The following ADGRL2 variants were observed in gnomAD, a reference collection of about 807,000 sequenced individuals.
ADGRL2 encodes the protein calcium-independent alpha-latrotoxin receptor 2.
A neutral mutation model predicts 157.4 loss-of-function variants in ADGRL2; 44 were observed. The observed-to-expected ratio is 0.28, with a 90% CI of 0.22 to 0.36. The LOEUF is 0.36. Among genes scored for constraint, ADGRL2 ranks in the 10% least tolerant of loss-of-function variants. ADGRL2 has a pLI of 1.00. For synonymous variants in ADGRL2, 585 were observed against 624.7 expected, an observed-to-expected ratio of 0.94 and a Z score of 0.95; for missense variants, 1,510 against 1,768.9, an observed-to-expected ratio of 0.85 and a Z score of 2.63.
intron 3 of ADGRL2, among the ~76,000 whole-genome samples, chr1:81,581,976 T>G (rs984208557): frequency 1.3e-5 from 2 of 151,760 alleles, no homozygotes; most frequent in Non-Finnish European, 2.9e-5. Context: ...ACCCTAGAAC[T>G]TTGGGAGGCC....
intron 5 of ADGRL2, among the ~76,000 whole-genome samples, chr1:81,942,523 T>A (rs1648419511): frequency 1.3e-5 from 2 of 151,932 alleles, no homozygotes; most frequent in South Asian, 4.1e-4. Context: ...AAATAAGTCT[T>A]CACATTCGGT....
At chr1:81,522,709 GAAGTT>G (rs540558785) in intron 2 of ADGRL2, among the ~76,000 whole-genome samples, 18 of 152,250 alleles carry the variant, frequency 1.2e-4, no homozygotes, top group Middle Eastern at 6.8e-3. Flanking sequence ...TTAAACCAGT[GAAGTT>G]AAGTGTAATT....
intron 1 of ADGRL2, among the ~76,000 whole-genome samples, chr1:81,441,729 G>A (rs2077510814): frequency 6.6e-6 from 1 of 152,088 alleles, no homozygotes; most frequent in Non-Finnish European, 1.5e-5. Context: ...TAGTAGAGAC[G>A]GGGTTTCACT....
rs1260401001 is a variant in ADGRL2 at position 81,627,594 on chromosome 1, A to G, written c.-143+46614A>G. ...ATTATTACCTCTATTTTCGCTATGA[A>G]GAAGCTGAGGCTCAGAAAGATTAAA... On this transcript the variant is annotated intron_variant, in intron 3 of 24. Coordinates refer to the ADGRL2 transcript ENST00000370721. 3.3e-5 allele frequency among the ~76,000 whole-genome samples: 5 copies of G among 152,226 alleles called. No individual in the cohort carries two copies. In the East Asian group the frequency reaches 9.6e-4, roughly 29 times the overall value.
chr1:81,745,779 C>T (rs1357046152), intron 1 of ADGRL2, among the ~76,000 whole-genome samples: 1 of 152,076 alleles, frequency 6.6e-6, no homozygotes, highest in Non-Finnish European at 1.5e-5. Context: ...ATTTTATTAG[C>T]GAGCTTGTAA....
rs2080639017 is a variant in ADGRL2 at position 81,569,558 on chromosome 1, A to G, written c.-247-11318A>G. Among the ~76,000 whole-genome samples, 4 of 152,186 alleles carry G rather than the reference A, an allele frequency of 2.6e-5. No homozygotes were observed. In the South Asian group the frequency reaches 8.3e-4, roughly 32 times the overall value. ...TGCAATGGCTCACTCCTATGATCTT[A>G]GCACTTTAGGAGACTGAGGCAAGAG... On this transcript the variant is annotated intron_variant, in intron 2 of 24. Coordinates refer to the ADGRL2 transcript ENST00000370721.
chr1:81,471,334 T>C (rs762490175), intron 2 of ADGRL2, among the ~76,000 whole-genome samples: 1 of 152,202 alleles, frequency 6.6e-6, no homozygotes, highest in African/African-American at 2.4e-5. Context: ...TTTAGTATTA[T>C]GTATACTTTG....
intron 3 of ADGRL2, among the ~76,000 whole-genome samples, chr1:81,615,524 A>G (rs1290001131): frequency 1.3e-5 from 2 of 152,220 alleles, no homozygotes; most frequent in East Asian, 3.8e-4. Context: ...AAGAAACTCC[A>G]GACACATCTG....
intron 6 of ADGRL2, among the ~76,000 whole-genome samples, chr1:81,948,736 T>A (rs1650754778): frequency 6.6e-6 from 1 of 152,220 alleles, no homozygotes; most frequent in Admixed American, 6.5e-5. Context: ...TGGCTAGGCA[T>A]GATGTTTGAC....
At chr1:81,616,446 C>G (rs866932569) in intron 3 of ADGRL2, among the ~76,000 whole-genome samples, 2 of 152,164 alleles carry the variant, frequency 1.3e-5, no homozygotes, top group Non-Finnish European at 2.9e-5. Context: ...GATTTCTTCT[C>G]TCAGGTACTG....
chr1:81,314,682 A>C (rs1659985490), intron 1 of ADGRL2, among the ~76,000 whole-genome samples: 1 of 152,174 alleles, frequency 6.6e-6, no homozygotes, highest in African/African-American at 2.4e-5. Context: ...TTGGACATAA[A>C]GTTCCTCTTT....
intron 1 of ADGRL2, among the ~76,000 whole-genome samples, chr1:81,344,802 AG>A (rs1302718176): frequency 6.6e-6 from 1 of 152,186 alleles, no homozygotes; most frequent in Non-Finnish European, 1.5e-5. Context: ...AATTTGGCAA[AG>A]AAGCAGCTCA....
chr1:81,795,592 A>G (rs1391304457), upstream of ADGRL2, among the ~76,000 whole-genome samples: 1 of 152,176 alleles, frequency 6.6e-6, no homozygotes, highest in Admixed American at 6.5e-5. Context: ...AAATGCAGAG[A>G]GGTTGTATGT....
chr1:81,862,143 A>G (rs189474340), intron 2 of ADGRL2, among the ~76,000 whole-genome samples: 2 of 152,274 alleles, frequency 1.3e-5, no homozygotes, highest in East Asian at 3.9e-4. Context: ...ATATGGTAAA[A>G]TGTCAGATTA....
chr1:81,339,244 G>A (rs1341333295), intron 1 of ADGRL2, among the ~76,000 whole-genome samples: 2 of 152,118 alleles, frequency 1.3e-5, no homozygotes, highest in Admixed American at 6.5e-5. Flanking sequence ...TTAGGACATC[G>A]TCATAATTAA....
chr1:81,351,613 A>C (rs1347865860), intron 1 of ADGRL2, among the ~76,000 whole-genome samples: 1 of 152,200 alleles, frequency 6.6e-6, no homozygotes, highest in Non-Finnish European at 1.5e-5. Flanking sequence ...TAAAAAAAAA[A>C]AGTCCTTGAT....
chr1:81,528,527 G>A (rs962977388), intron 2 of ADGRL2, among the ~76,000 whole-genome samples: 1 of 151,772 alleles, frequency 6.6e-6, no homozygotes, highest in Non-Finnish European at 1.5e-5. Flanking sequence ...GGCGCCTGTA[G>A]TCTCAGCTAC....
Position 81,757,464 on chromosome 1 carries a change from T to A in ADGRL2, c.-142-4347T>A, listed in dbSNP as rs191173201. Among the ~76,000 whole-genome samples the A allele has an allele frequency of 2.1e-3, 316 of 152,286 alleles. 2 individuals are homozygous for A. Among genetic ancestry groups the A allele is most frequent in the South Asian group, 5.4e-3 (26 of 4,830 alleles). On this transcript the variant is annotated intron_variant, in intron 1 of 20. Coordinates refer to the ADGRL2 transcript ENST00000359929. ...ATAACTGAGTCTTGGCCAATCACAG[T>A]GGCCAAATTTCAGCCACTCATAGAC...
rs1651334197 is a variant in ADGRL2, at chr1:81,950,253, A to C, written c.1275A>C (p.Thr425=). The C allele has an allele frequency of 6.2e-7, 1 of 1,613,952 alleles. No homozygotes were observed. ...AELFKTIIST[T]STTSQKGPMS... is the part of the protein sequence containing the mutation. ...TGTTCAAAACCATAATATCAACCAC[A>C]AGCACTACTTCACAGAAAGGCCCCA... The change falls in exon 7 of 24, where the codon ACA becomes ACC. Residue 425 remains threonine, a synonymous_variant. Transcript: ENST00000686636.
Sources: gnomAD v4.1 joint callset for allele counts (sites outside exome capture counted in the v4.1 genomes callset) on GRCh38, gnomAD v4.1.1 for gene constraint, MANE v1.5 for transcripts, NCBI Gene and HGNC (gene_info 2026-07-23, HGNC 2026-07-21) for gene names.